The following SLC4A4 variants were observed in gnomAD, a reference collection of about 807,000 sequenced individuals.
SLC4A4 encodes solute carrier family 4 member 4.
A neutral mutation model predicts 111.5 loss-of-function variants in SLC4A4; 27 were observed. The observed-to-expected ratio is 0.24, with a 90% confidence interval of 0.18 to 0.33. SLC4A4 has a LOEUF of 0.33. SLC4A4 is among the 10% of genes least tolerant of loss of function. The pLI is 1.00. For missense variants in SLC4A4, 909 were observed against 1,315.5 expected (o/e 0.69, Z 4.78); for synonymous variants, 443 against 463.4 (o/e 0.96, Z 0.57).
chr4:71,298,798 G>T (rs965551785), intron 3 of SLC4A4, among the ~76,000 whole-genome samples: 1 of 152,196 alleles, frequency 6.6e-6, no homozygotes, highest in Non-Finnish European at 1.5e-5. Flanking sequence ...TTCTGATGAT[G>T]AGTTGGGATT....
At chr4:71,389,054 A>G (rs919682050) in intron 6 of SLC4A4, among the ~76,000 whole-genome samples, 1 of 152,214 alleles carries the variant, frequency 6.6e-6, no homozygotes, top group African/African-American at 2.4e-5. Flanking sequence ...CAGAAAATTA[A>G]AAAACAGGAA....
chr4:71,085,402 G>T (rs368201845), intron 1 of SLC4A4, among the ~76,000 whole-genome samples: 28 of 151,842 alleles, frequency 1.8e-4, no homozygotes, highest in Non-Finnish European at 2.6e-4. Flanking sequence ...AGAAGCTCTT[G>T]AGTTTAATTA....
intron 3 of SLC4A4, among the ~76,000 whole-genome samples, chr4:71,336,149 A>G (rs553476950): frequency 4.9e-4 from 75 of 152,356 alleles, no homozygotes; most frequent in Admixed American, 3.8e-3. Flanking sequence ...AATTGTAAAC[A>G]CTTTGGAATT....
chr4:71,513,162 T>C (rs1732079577), intron 16 of SLC4A4, among the ~76,000 whole-genome samples: 2 of 152,152 alleles, frequency 1.3e-5, no homozygotes, highest in South Asian at 4.1e-4. Flanking sequence ...GATTTTTTTT[T>C]CTAATTCTGT....
chr4:71,416,168 T>TG (rs1325770308), intron 7 of SLC4A4, among the ~76,000 whole-genome samples: 1 of 152,208 alleles, frequency 6.6e-6, no homozygotes, highest in Non-Finnish European at 1.5e-5. Flanking sequence ...CAGCCAGCCT[T>TG]TGGTTTGAAT....
intron 6 of SLC4A4, among the ~76,000 whole-genome samples, chr4:71,388,629 T>C (rs979616915): frequency 3.3e-5 from 5 of 152,120 alleles, no homozygotes; most frequent in African/African-American, 1.2e-4. Context: ...CTGCAACCTT[T>C]AACTCCTGGG....
chr4:71,531,405 C>T (rs1733901105), intron 16 of SLC4A4, among the ~76,000 whole-genome samples: 1 of 152,080 alleles, frequency 6.6e-6, no homozygotes. Context: ...TAAGTACTAA[C>T]CTGGATTGAG....
rs376427273 is a variant in SLC4A4 at position 71,112,478 on chromosome 4, T to C, written c.-2+19686T>C. On this transcript the variant is annotated intron_variant, in intron 2 of 26. Transcript: ENST00000649996. Reference sequence around the variant, plus strand: ...AATAAATTAAACTTGATAACTGAGATGATGGGATCTAAAATAGAAGCTATG... The same window carrying C: ...AATAAATTAAACTTGATAACTGAGACGATGGGATCTAAAATAGAAGCTATG... 3.3e-5 allele frequency among the ~76,000 whole-genome samples: 5 copies of C among 152,324 alleles called. No homozygotes were observed. In the East Asian group the frequency reaches 5.8e-4, roughly 18 times the overall value.
intron 2 of SLC4A4, among the ~76,000 whole-genome samples, chr4:71,124,324 A>G (rs971960670): frequency 2.6e-5 from 4 of 151,920 alleles, no homozygotes; most frequent in African/African-American, 9.7e-5. Flanking sequence ...GGTGCCCGCC[A>G]CCATGTCTGG....
chr4:71,538,301 T>A (rs572140623), intron 18 of SLC4A4, among the ~76,000 whole-genome samples: 1 of 152,258 alleles, frequency 6.6e-6, no homozygotes, highest in African/African-American at 2.4e-5. Context: ...TTATTTTCAG[T>A]AGAAAACATT....
intron 20 of SLC4A4, among the ~76,000 whole-genome samples, chr4:71,554,359 C>T (rs771212314): frequency 2.6e-5 from 4 of 151,788 alleles, no homozygotes; most frequent in South Asian, 2.1e-4. Context: ...TTCCCAGAAA[C>T]AGAATCATCC....
At chr4:71,113,220 G>A (rs72648760) in intron 2 of SLC4A4, among the ~76,000 whole-genome samples, 19,916 of 152,200 alleles carry the variant, frequency 0.13, 1,451 homozygotes, top group East Asian at 0.27. Flanking sequence ...ACACTAATCA[G>A]GTGGAGAAGA....
At chr4:71,329,079 T>C (rs1727734856) in intron 3 of SLC4A4, among the ~76,000 whole-genome samples, 1 of 152,192 alleles carries the variant, frequency 6.6e-6, no homozygotes, top group Non-Finnish European at 1.5e-5. Flanking sequence ...GAAACTGTTT[T>C]TCCCCAATGT....
chr4:71,306,115 C>T (rs1725663883), intron 3 of SLC4A4, among the ~76,000 whole-genome samples: 1 of 152,166 alleles, frequency 6.6e-6, no homozygotes, highest in Admixed American at 6.6e-5. Context: ...TTAGGGAGCT[C>T]CACAGGGACT....
At chr4:71,430,016 T>A (rs1003569351) in intron 7 of SLC4A4, among the ~76,000 whole-genome samples, 2 of 152,182 alleles carry the variant, frequency 1.3e-5, no homozygotes, top group Non-Finnish European at 2.9e-5. Flanking sequence ...GCCATTACTT[T>A]TCCTTTATGA....
At chr4:71,394,521 C>T (rs932492166) in intron 6 of SLC4A4, among the ~76,000 whole-genome samples, 9 of 151,962 alleles carry the variant, frequency 5.9e-5, no homozygotes, top group African/African-American at 1.9e-4. Flanking sequence ...GTGTGGATGG[C>T]GGTGATCAGG....
chr4:71,516,381 G>A (rs1188939424), intron 16 of SLC4A4, among the ~76,000 whole-genome samples: 1 of 152,122 alleles, frequency 6.6e-6, no homozygotes, highest in Non-Finnish European at 1.5e-5. Context: ...ACAGGCGTGA[G>A]CCACCGCGCC....
intron 20 of SLC4A4, among the ~76,000 whole-genome samples, chr4:71,550,906 A>C (rs1398431516): frequency 6.6e-6 from 1 of 151,906 alleles, no homozygotes; most frequent in Non-Finnish European, 1.5e-5. Flanking sequence ...TTACAGTTTT[A>C]AGTTCACGAG....
At chr4:71,408,451 T>C (rs972172108) in intron 7 of SLC4A4, among the ~76,000 whole-genome samples, 3 of 152,228 alleles carry the variant, frequency 2.0e-5, no homozygotes, top group African/African-American at 7.2e-5. Context: ...TTTTTATTTT[T>C]GGTTTTGCTT....
Sources: gnomAD v4.1 joint callset for allele counts (sites outside exome capture counted in the v4.1 genomes callset) on GRCh38, gnomAD v4.1.1 for gene constraint, MANE v1.5 for transcripts, NCBI Gene and HGNC (gene_info 2026-07-23, HGNC 2026-07-21) for gene names.